GPC6: variants seen among roughly 807,000 people sequenced by gnomAD.
GPC6 encodes the protein glypican-6.
A neutral mutation model predicts 55.2 loss-of-function variants in GPC6; 14 were observed. That is an observed-to-expected ratio of 0.25 (90% CI 0.17 to 0.40). The LOEUF (loss-of-function observed/expected upper bound fraction) is 0.40, where lower values mean the gene tolerates loss of function less well. GPC6 is among the 10% of genes least tolerant of loss of function. The probability of loss-of-function intolerance (pLI) is 1.00; values close to 1 mark genes in which losing one functional copy is unlikely to be tolerated. For synonymous variants in GPC6, 278 were observed against 259.6 expected, an observed-to-expected ratio of 1.07 and a Z score of -0.68; for missense variants, 641 against 708.5, an observed-to-expected ratio of 0.90 and a Z score of 1.08.
intron 4 of GPC6, among the ~76,000 whole-genome samples, chr13:94,076,323 T>A (rs1456281197): frequency 6.6e-6 from 1 of 152,004 alleles, no homozygotes; most frequent in African/African-American, 2.4e-5. Context: ...TTTGTCTTTT[T>A]GCTATTGAGA....
intron 2 of GPC6, among the ~76,000 whole-genome samples, chr13:93,693,405 T>C (rs11839972): frequency 0.14 from 21,866 of 151,882 alleles, 2,766 homozygotes; most frequent in South Asian, 0.32. Flanking sequence ...TAATTTATTC[T>C]TAATGTGTCA....
chr13:93,495,570 A>G (rs1199377885), intron 1 of GPC6, among the ~76,000 whole-genome samples: 16 of 127,038 alleles, frequency 1.3e-4, no homozygotes, highest in Non-Finnish European at 2.5e-4. Flanking sequence ...CTGGTGAGGA[A>G]CTGCGTTCCT....
chr13:93,732,541 G>C (rs1275366235), intron 2 of GPC6, among the ~76,000 whole-genome samples: 2 of 152,120 alleles, frequency 1.3e-5, no homozygotes, highest in Non-Finnish European at 2.9e-5. Context: ...TCCAGTGTTG[G>C]AGCAATCAAA....
intron 6 of GPC6, among the ~76,000 whole-genome samples, chr13:94,372,325 C>T (rs1453046250): frequency 6.6e-6 from 1 of 152,248 alleles, no homozygotes; most frequent in Non-Finnish European, 1.5e-5. Flanking sequence ...CTAGGGAGTG[C>T]CAGACAGTGG....
At chr13:94,336,477 C>G (rs1239199666) in intron 6 of GPC6, among the ~76,000 whole-genome samples, 1 of 152,108 alleles carries the variant, frequency 6.6e-6, no homozygotes, top group Non-Finnish European at 1.5e-5. Flanking sequence ...GTGTCTGGGT[C>G]TTGTCTAGGT....
intron 3 of GPC6, among the ~76,000 whole-genome samples, chr13:93,926,272 G>C (rs1374429978): frequency 6.6e-6 from 1 of 152,132 alleles, no homozygotes; most frequent in Admixed American, 6.5e-5. Flanking sequence ...TAGAGTTCTA[G>C]GGTTGAAAGA....
rs374282426 is a variant in GPC6 at position 94,403,542 on chromosome 13, T to G, written c.*325T>G. 39 of 191,618 alleles carry G rather than the reference T, an allele frequency of 2.0e-4. No individual in the cohort carries two copies. Among genetic ancestry groups the G allele is most frequent in the African/African-American group, 1.1e-3 (23 of 21,736 alleles). 11.9% of individuals were successfully genotyped at this position (191,618 alleles called of 1,614,324 possible). A position where few individuals can be genotyped will look rare whatever the true frequency, so the allele number is the denominator to read the frequency against. On this transcript the variant is annotated 3_prime_UTR_variant, in exon 9 of 9. Transcript: ENST00000377047. ...GTAAAGGAATCTCACGTTGTGAGGG[T>G]TTTTTTTTTCTCATTTAAAATAAAA...
chr13:93,731,821 C>A (rs1321050091), intron 2 of GPC6, among the ~76,000 whole-genome samples: 1 of 152,024 alleles, frequency 6.6e-6, no homozygotes, highest in Non-Finnish European at 1.5e-5. Context: ...TGAAGCAGAT[C>A]TGTCCCTCCT....
chr13:94,369,811 G>T (rs1879459511), intron 6 of GPC6, among the ~76,000 whole-genome samples: 1 of 151,724 alleles, frequency 6.6e-6, no homozygotes, highest in Non-Finnish European at 1.5e-5. Flanking sequence ...TGTTTTTTGG[G>T]GTTTTTTTTC....
intron 6 of GPC6, among the ~76,000 whole-genome samples, chr13:94,353,394 T>TCTCCTCCC (rs1427629216): frequency 5.9e-5 from 9 of 152,126 alleles, no homozygotes; most frequent in African/African-American, 2.2e-4. Flanking sequence ...CTTTATCCTC[T>TCTCCTCCC]CTCCTCCCCA....
the GPC6 span, among the ~76,000 whole-genome samples, chr13:93,219,245 C>T: frequency 5.3e-5 from 8 of 152,136 alleles, no homozygotes; most frequent in African/African-American, 1.7e-4. Flanking sequence ...AAACTCATAC[C>T]ACCACGCCCA....
chr13:94,043,986 A>C (rs1449093097), intron 4 of GPC6, among the ~76,000 whole-genome samples: 2 of 151,820 alleles, frequency 1.3e-5, no homozygotes, highest in Non-Finnish European at 2.9e-5. Flanking sequence ...GTTCTCCTAC[A>C]TCTTGGTTTA....
intron 5 of GPC6, among the ~76,000 whole-genome samples, chr13:94,295,665 T>C (rs1212373595): frequency 1.3e-5 from 2 of 152,272 alleles, no homozygotes; most frequent in East Asian, 3.9e-4. Context: ...AACACCTCCA[T>C]AGCAAAGAGC....
At chr13:94,379,773 G>A (rs1054548882) in intron 6 of GPC6, among the ~76,000 whole-genome samples, 1 of 152,114 alleles carries the variant, frequency 6.6e-6, no homozygotes, top group Non-Finnish European at 1.5e-5. Context: ...GTGGCAAATA[G>A]GACTATTAGT....
At chr13:94,116,712 G>A (rs1352666201) in intron 4 of GPC6, among the ~76,000 whole-genome samples, 1 of 152,028 alleles carries the variant, frequency 6.6e-6, no homozygotes, top group Non-Finnish European at 1.5e-5. Flanking sequence ...TGAACTCATG[G>A]TCTTTCCTAT....
At chr13:93,354,078 A>C (rs1462972542) in intron 1 of GPC6, among the ~76,000 whole-genome samples, 1 of 152,204 alleles carries the variant, frequency 6.6e-6, no homozygotes, top group African/African-American at 2.4e-5. Flanking sequence ...AAGAAGCAAG[A>C]AAATGCACTC....
At position 93,830,404 on chromosome 13, in the gene GPC6, G is replaced by A; in HGVS notation, c.570G>A (p.Val190=). Residue 190 remains valine (V), a synonymous_variant, in exon 3 of 9, where the codon GTG becomes GTA. Coordinates refer to ENST00000377047, the MANE Select transcript of GPC6 (RefSeq NM_005708.5). ...YHFSEDYLEC[V]SKYTDQLKPF... The stretch of plus-strand genomic sequence containing the variant: ...TCAGTGAAGACTACCTGGAATGTGT[G>A]AGCAAATACACTGACCAGCTCAAGC... 6.2e-7 allele frequency: 1 copy of A among 1,613,902 alleles called. No homozygotes were observed. Among genetic ancestry groups the A allele is most frequent in the South Asian group, 1.1e-5 (1 of 91,064 alleles).
At chr13:93,518,459 C>G (rs1048637664) in intron 1 of GPC6, among the ~76,000 whole-genome samples, 1 of 151,996 alleles carries the variant, frequency 6.6e-6, no homozygotes, top group Non-Finnish European at 1.5e-5. Context: ...TTTGACACCT[C>G]TCTCATCCTT....
intron 1 of GPC6, among the ~76,000 whole-genome samples, chr13:93,474,052 C>G (rs976557795): frequency 5.9e-5 from 9 of 152,318 alleles, no homozygotes; most frequent in Admixed American, 2.6e-4. Context: ...TCCGGATTGC[C>G]TGTAGCTGAC....
Sources: allele counts gnomAD v4.1 joint callset (sites outside exome capture counted in the v4.1 genomes callset), GRCh38; gene constraint gnomAD v4.1.1; transcripts MANE v1.5; gene names NCBI Gene and HGNC (gene_info 2026-07-23, HGNC 2026-07-21).